CRTC3: variants seen among roughly 807,000 people sequenced by gnomAD.
CRTC3 encodes CREB regulated transcription coactivator 3.
A neutral mutation model predicts 74.5 loss-of-function variants in CRTC3; 26 were observed. That is an observed-to-expected ratio of 0.35 (90% CI 0.26 to 0.48). The LOEUF (loss-of-function observed/expected upper bound fraction) is 0.48, where lower values mean the gene tolerates loss of function less well. Among genes scored for constraint, CRTC3 ranks in the 20% least tolerant of loss-of-function variants. The probability of loss-of-function intolerance (pLI) is 0.99; values close to 1 mark genes in which losing one functional copy is unlikely to be tolerated. For synonymous variants in CRTC3, 377 were observed against 325.8 expected, an observed-to-expected ratio of 1.16 and a Z score of -1.69; for missense variants, 760 against 787.3, an observed-to-expected ratio of 0.97 and a Z score of 0.41.
At chr15:90,616,397 C>T (rs1045694903) in intron 7 of CRTC3, among the ~76,000 whole-genome samples, 1 of 152,228 alleles carries the variant, frequency 6.6e-6, no homozygotes, top group African/African-American at 2.4e-5. Flanking sequence ...TTATTAAATA[C>T]AAGATAAACT....
chr15:90,606,243 A>G (rs977187535), intron 5 of CRTC3, among the ~76,000 whole-genome samples: 3 of 149,534 alleles, frequency 2.0e-5, no homozygotes, highest in East Asian at 4.0e-4. Flanking sequence ...GTGAAATTCC[A>G]TCTCAAAAAG....
chr15:90,535,892 T>C (rs192475371), intron 1 of CRTC3, among the ~76,000 whole-genome samples: 73 of 152,294 alleles, frequency 4.8e-4, no homozygotes, highest in Admixed American at 2.0e-3. Flanking sequence ...TAGAGAGGCA[T>C]GGTTGCAGAG....
chr15:90,576,638 C>A (rs902453520), intron 2 of CRTC3, among the ~76,000 whole-genome samples: 1 of 152,078 alleles, frequency 6.6e-6, no homozygotes, highest in Non-Finnish European at 1.5e-5. Flanking sequence ...GCGAAGAAGA[C>A]TGGAAAGAAA....
At chr15:90,623,361 G>C (rs1384039787) in intron 9 of CRTC3, among the ~76,000 whole-genome samples, 1 of 152,174 alleles carries the variant, frequency 6.6e-6, no homozygotes, top group Non-Finnish European at 1.5e-5. Context: ...TATCCCTGCT[G>C]CATGTCTTCC....
chr15:90,634,135 A>AG (rs1301212091), intron 11 of CRTC3, among the ~76,000 whole-genome samples: 4 of 149,580 alleles, frequency 2.7e-5, no homozygotes, highest in African/African-American at 9.9e-5. Flanking sequence ...TTTTTGAGAC[A>AG]GGGTCTTGCT....
intron 11 of CRTC3, among the ~76,000 whole-genome samples, chr15:90,631,323 T>G (rs1969030580): frequency 6.6e-6 from 1 of 152,198 alleles, no homozygotes; most frequent in African/African-American, 2.4e-5. Flanking sequence ...TCCCTTGCCT[T>G]GAATTCCTGG....
chr15:90,591,637 C>T (rs749437840), intron 2 of CRTC3, among the ~76,000 whole-genome samples: 12 of 152,064 alleles, frequency 7.9e-5, no homozygotes, highest in Non-Finnish European at 1.5e-4. Flanking sequence ...GCCAAAATGG[C>T]GAGACCTTGT....
Position 90,642,634 on chromosome 15 carries a change from G to A in CRTC3, c.*494G>A, listed in dbSNP as rs1023769932. The A allele has an allele frequency of 8.2e-6, 2 of 244,048 alleles. No individual in the cohort carries two copies. The highest frequency in any genetic ancestry group is 4.4e-5 in the African/African-American group (2 of 45,476). The allele number at this position is 244,048 out of a possible 1,614,324, so 15.1% of individuals were successfully genotyped here. ...CAGAGGGCGAGGCCCTCCAGCGGGG[G>A]ACATTCCCAGGCTGAGTGGACCCCA... On this transcript the variant is annotated 3_prime_UTR_variant, in exon 15 of 15. Transcript: ENST00000268184.
Position 90,604,433 on chromosome 15 carries a change from A to G in CRTC3, c.462A>G (p.Thr154=), listed in dbSNP as rs750519726. Residue 154 remains threonine (T), a synonymous_variant, in exon 5 of 15, where the codon ACA becomes ACG. Coordinates refer to ENST00000268184, the MANE Select transcript of CRTC3 (RefSeq NM_022769.5). The part of the protein sequence containing the change: ...KDEKHPGFRL[T]SALNRTNSDS... Reference sequence around the variant, plus strand: ...AAAAGCATCCTGGGTTCAGGCTGACATCTGCACTTAACAGGTACATGGGTT... The same window carrying G: ...AAAAGCATCCTGGGTTCAGGCTGACGTCTGCACTTAACAGGTACATGGGTT... The G allele has an allele frequency of 1.5e-5, 24 of 1,613,622 alleles. No homozygotes were observed. The highest frequency in any genetic ancestry group is 1.8e-5 in the Non-Finnish European group (21 of 1,179,500).
rs554928056 is a variant in CRTC3, at chr15:90,635,019, A to C, written c.1267-3427A>C. 609 of 1,188,792 alleles carry C rather than the reference A, an allele frequency of 5.1e-4. 1 individual carries two copies. The African/African-American group carries it at 8.0e-3, about 16-fold the overall frequency. The allele number at this position is 1,188,792 out of a possible 1,614,324, so 73.6% of individuals were successfully genotyped here. ...ATTTAGAGATGGTGACATTCTTGGA[A>C]AGTACATAGACTGAAATAAGTCACT... is the stretch of plus-strand genomic sequence containing the variant. On this transcript the variant is annotated intron_variant, in intron 11 of 14. Transcript: ENST00000268184.
chr15:90,554,835 A>G (rs781011785), intron 2 of CRTC3, among the ~76,000 whole-genome samples: 4 of 152,258 alleles, frequency 2.6e-5, no homozygotes, highest in Non-Finnish European at 4.4e-5. Flanking sequence ...GTTGTACTCC[A>G]CTATGGGTTG....
Position 90,592,998 on chromosome 15 carries a change from C to A in CRTC3, c.232-638C>A, listed in dbSNP as rs555965748. Among the ~76,000 whole-genome samples the A allele has an allele frequency of 1.8e-3, 272 of 152,174 alleles. 1 individual carries two copies. The highest frequency in any genetic ancestry group is 6.4e-3 in the Admixed American group (97 of 15,266). On this transcript the variant is annotated intron_variant, in intron 2 of 14. Coordinates refer to ENST00000268184, the MANE Select transcript of CRTC3 (RefSeq NM_022769.5). ...TGCAACCCCGTCTCTACTAAAAATACAAAAATTAGCTGGGCGTGGTGGCGC... is the reference window on the plus strand; with the variant it reads ...TGCAACCCCGTCTCTACTAAAAATAAAAAAATTAGCTGGGCGTGGTGGCGC...
intron 2 of CRTC3, among the ~76,000 whole-genome samples, chr15:90,559,165 C>G (rs912576035): frequency 7.9e-5 from 12 of 152,078 alleles, no homozygotes; most frequent in Non-Finnish European, 1.8e-4. Context: ...CAGTACCTGG[C>G]CAGGGTATGA....
At chr15:90,575,351 C>CA (rs974479348) in intron 2 of CRTC3, among the ~76,000 whole-genome samples, 31 of 151,786 alleles carry the variant, frequency 2.0e-4, no homozygotes, top group East Asian at 7.7e-4. Context: ...AACTCCGTCT[C>CA]AAAAAAAAGA....
chr15:90,629,798 A>G (rs964030860), intron 11 of CRTC3, among the ~76,000 whole-genome samples: 24 of 152,154 alleles, frequency 1.6e-4, no homozygotes, highest in Non-Finnish European at 2.9e-4. Context: ...ATCGCGGCTC[A>G]CTGCAGCCTC....
intron 11 of CRTC3, 122 bp from the exon 12 acceptor site, chr15:90,638,324 G>T: frequency 1.3e-6 from 1 of 783,490 alleles, no homozygotes; most frequent in Admixed American, 2.2e-5. Context: ...TCACAGCATT[G>T]CACAGAACAC....
Position 90,564,571 on chromosome 15 carries a change from A to G in CRTC3, c.231+24434A>G, listed in dbSNP as rs537773631. ...CAAAGGCCCCGAGACTAGTCCCTGC[A>G]GTTACTACTGATGTTCTTTTCTTGC... On this transcript the variant is annotated intron_variant, in intron 2 of 14. Transcript: ENST00000268184. 6.6e-5 allele frequency among the ~76,000 whole-genome samples: 10 copies of G among 152,264 alleles called. No individual in the cohort carries two copies. The South Asian group carries it at 1.9e-3, about 28-fold the overall frequency.
intron 4 of CRTC3, among the ~76,000 whole-genome samples, chr15:90,602,973 A>C (rs1255916019): frequency 6.6e-6 from 1 of 152,040 alleles, no homozygotes; most frequent in African/African-American, 2.4e-5. Context: ...ACTCCATCTC[A>C]AAAAACAAAA....
rs557298987 is a variant in CRTC3, at chr15:90,603,323, G to T, written c.413+938G>T. Among the ~76,000 whole-genome samples, 8 of 148,930 alleles carry T rather than the reference G, an allele frequency of 5.4e-5. No individual in the cohort carries two copies. The South Asian group carries it at 1.7e-3, about 32-fold the overall frequency. On this transcript the variant is annotated intron_variant, in intron 4 of 14. Coordinates refer to ENST00000268184, the MANE Select transcript of CRTC3 (RefSeq NM_022769.5). ...CCGGGCGTGGTGGCAGGCGCCTGTA[G>T]TCCCAGCTACTCGGGAGGCTGAGGC...
Sources: gnomAD v4.1 joint callset for allele counts (sites outside exome capture counted in the v4.1 genomes callset) on GRCh38, gnomAD v4.1.1 for gene constraint, MANE v1.5 for transcripts, NCBI Gene and HGNC (gene_info 2026-07-23, HGNC 2026-07-21) for gene names.